SAMD5: variants seen among roughly 807,000 people sequenced by gnomAD.
SAMD5 encodes sterile alpha motif domain containing 5, also known as sterile alpha motif domain-containing protein 5.
A neutral mutation model predicts 11.3 loss-of-function variants in SAMD5; 13 were observed. That is an observed-to-expected ratio of 1.15 (90% CI 0.75 to 1.83). The LOEUF (loss-of-function observed/expected upper bound fraction) is 1.83. Among genes scored for constraint, SAMD5 ranks in the 40% most tolerant of loss-of-function variants. The pLI is 0.00. For missense variants in SAMD5, 255 were observed against 239.1 expected (o/e 1.07, Z -0.44); for synonymous variants, 129 against 111.3 (o/e 1.16, Z -1.00).
chr6:147,520,592 A>G (rs1194379948), intron 1 of SAMD5, among the ~76,000 whole-genome samples: 1 of 152,194 alleles, frequency 6.6e-6, no homozygotes, highest in African/African-American at 2.4e-5. Flanking sequence ...ATTATACTGT[A>G]TTTCTTTAAA....
intron 1 of SAMD5, among the ~76,000 whole-genome samples, chr6:147,526,429 C>A (rs947013741): frequency 6.6e-6 from 1 of 152,194 alleles, no homozygotes; most frequent in African/African-American, 2.4e-5. Flanking sequence ...ACAGATCCAT[C>A]CATTCATAGA....
At chr6:147,825,231 A>T in the SAMD5 span, among the ~76,000 whole-genome samples, 2 of 152,204 alleles carry the variant, frequency 1.3e-5, no homozygotes, top group African/African-American at 4.8e-5. Flanking sequence ...TGGGAGGCAG[A>T]TGTTGCAGTG....
chr6:147,696,666 G>A (rs1332884317), intron 1 of SAMD5, among the ~76,000 whole-genome samples: 1 of 152,208 alleles, frequency 6.6e-6, no homozygotes, highest in East Asian at 1.9e-4. Flanking sequence ...TTCCTAAGCT[G>A]TGTTGGATAT....
At chr6:147,771,522 T>C in the SAMD5 span, among the ~76,000 whole-genome samples, 1 of 152,222 alleles carries the variant, frequency 6.6e-6, no homozygotes, top group Non-Finnish European at 1.5e-5. Flanking sequence ...AAAATTGAAT[T>C]CATGCCTCTC....
chr6:147,581,689 G>A (rs746825210), intron 1 of SAMD5, among the ~76,000 whole-genome samples: 6 of 152,176 alleles, frequency 3.9e-5, no homozygotes, highest in Non-Finnish European at 8.8e-5. Context: ...GCCCTATGAC[G>A]TAGAAATCAG....
At chr6:147,583,928 A>G (rs1360629712) in intron 1 of SAMD5, among the ~76,000 whole-genome samples, 1 of 152,156 alleles carries the variant, frequency 6.6e-6, no homozygotes, top group Non-Finnish European at 1.5e-5. Context: ...GTTCTTGAGT[A>G]TCTTTCCATT....
At chr6:147,606,741 A>T (rs1484122207) in intron 1 of SAMD5, among the ~76,000 whole-genome samples, 3 of 151,854 alleles carry the variant, frequency 2.0e-5, no homozygotes, top group Non-Finnish European at 4.4e-5. Context: ...TATACTCTCA[A>T]TTAATCCTCA....
the SAMD5 span, among the ~76,000 whole-genome samples, chr6:147,879,274 T>C: frequency 6.6e-6 from 1 of 152,230 alleles, no homozygotes; most frequent in African/African-American, 2.4e-5. Context: ...TGCCTTTCCA[T>C]GAAATGGCTC....
chr6:147,541,215 G>C (rs991110303), intron 1 of SAMD5, among the ~76,000 whole-genome samples: 2 of 152,108 alleles, frequency 1.3e-5, no homozygotes, highest in Non-Finnish European at 2.9e-5. Flanking sequence ...CCCCCAAAGA[G>C]CTGGGATTAC....
the SAMD5 span, among the ~76,000 whole-genome samples, chr6:147,893,532 G>T: frequency 1.3e-5 from 2 of 152,162 alleles, no homozygotes; most frequent in Admixed American, 6.5e-5. Context: ...AAAACACTTA[G>T]CAAGAGGATG....
chr6:147,858,774 C>T, the SAMD5 span, among the ~76,000 whole-genome samples: 2 of 152,280 alleles, frequency 1.3e-5, no homozygotes, highest in African/African-American at 4.8e-5. Context: ...ATTCACTTCT[C>T]ATGCTTAACA....
chr6:147,553,377 G>A (rs1041598088), intron 1 of SAMD5, among the ~76,000 whole-genome samples: 1 of 152,156 alleles, frequency 6.6e-6, no homozygotes, highest in Non-Finnish European at 1.5e-5. Context: ...TGACTGCTGG[G>A]GAATACCTAG....
chr6:147,617,502 C>A (rs1428662026), intron 1 of SAMD5, among the ~76,000 whole-genome samples: 1 of 152,244 alleles, frequency 6.6e-6, no homozygotes, highest in Non-Finnish European at 1.5e-5. Flanking sequence ...TGAATCTAAG[C>A]TGCAGGGATA....
At chr6:147,776,585 A>G in the SAMD5 span, among the ~76,000 whole-genome samples, 4 of 152,186 alleles carry the variant, frequency 2.6e-5, no homozygotes, top group Non-Finnish European at 5.9e-5. Context: ...GTTGCTGTCC[A>G]CAGCAGGATG....
chr6:147,724,117 T>A (rs894748899), intron 1 of SAMD5, among the ~76,000 whole-genome samples: 2 of 152,016 alleles, frequency 1.3e-5, no homozygotes, highest in African/African-American at 4.8e-5. Context: ...AGAGTAAAAT[T>A]GTACATGAAA....
intron 1 of SAMD5, among the ~76,000 whole-genome samples, chr6:147,665,305 A>G (rs948088640): frequency 2.0e-5 from 3 of 152,218 alleles, no homozygotes; most frequent in African/African-American, 7.2e-5. Flanking sequence ...GAATGTTTTG[A>G]AAGTGTTTTA....
the SAMD5 span, among the ~76,000 whole-genome samples, chr6:147,797,464 G>C: frequency 9.1e-5 from 8 of 88,184 alleles, 4 homozygotes; most frequent in Admixed American, 4.3e-4. Context: ...GCTTGATTCG[G>C]TTTGCCAGTA....
At chr6:147,680,587 T>G (rs1790927419) in intron 1 of SAMD5, among the ~76,000 whole-genome samples, 1 of 152,146 alleles carries the variant, frequency 6.6e-6, no homozygotes, top group South Asian at 2.1e-4. Flanking sequence ...TGCTTTGTAC[T>G]TAATCTTAGG....
rs575994207 is a variant in SAMD5, at chr6:147,586,953, A to G, written c.162+77566A>G. ...ACTAATTCCATTGTTCCTCATCTACAGTTTTATATATGATATTTTAAGCTT... is the reference window on the plus strand; with the variant it reads ...ACTAATTCCATTGTTCCTCATCTACGGTTTTATATATGATATTTTAAGCTT... On this transcript the variant is annotated intron_variant, in intron 1 of 1. Coordinates refer to the SAMD5 transcript ENST00000566741. Among the ~76,000 whole-genome samples the G allele has an allele frequency of 1.1e-4, 17 of 152,224 alleles. No individual in the cohort carries two copies. In the South Asian group the frequency reaches 3.3e-3, roughly 30 times the overall value.
Sources: allele counts gnomAD v4.1 joint callset (sites outside exome capture counted in the v4.1 genomes callset), GRCh38; gene constraint gnomAD v4.1.1; transcripts MANE v1.5; gene names NCBI Gene and HGNC (gene_info 2026-07-23, HGNC 2026-07-21).